Variants in EPHA6 observed in about 807,000 individuals in gnomAD.
The protein encoded by EPHA6 is ephrin type-A receptor 6.
A neutral mutation model predicts 112.0 loss-of-function variants in EPHA6; 50 were observed. The ratio of observed to expected loss-of-function variants is 0.45; its 90% CI spans 0.36 to 0.56. The LOEUF is 0.56. Among genes scored for constraint, EPHA6 ranks in the 20% least tolerant of loss-of-function variants. The pLI is 0.00. For missense variants in EPHA6, 1,280 were observed against 1,417.4 expected, an observed-to-expected ratio of 0.90 and a Z score of 1.56; for synonymous variants, 529 against 490.7, an observed-to-expected ratio of 1.08 and a Z score of -1.03.
chr3:97,668,817 G>A lies in EPHA6; in HGVS notation c.2784+30735G>A, dbSNP rs143264381. 1.0e-3 allele frequency among the ~76,000 whole-genome samples: 152 copies of A among 147,906 alleles called. 2 individuals are homozygous for A. In the East Asian group the frequency reaches 0.026, roughly 25 times the overall value. ...TAGTCCCAGCTCTCGGGAGGCTGAG[G>A]CAGGAGAGTCGCTTGAACCTGGGAG... On this transcript the variant is annotated intron_variant, in intron 14 of 17. Transcript: ENST00000389672.
rs145917707 is a variant in EPHA6, at chr3:97,180,777, G to A, written c.1115-45487G>A. Among the ~76,000 whole-genome samples the A allele has an allele frequency of 1.2e-3, 178 of 152,186 alleles. 2 individuals are homozygous for A. The East Asian group carries it at 0.03, about 25-fold the overall frequency. On this transcript the variant is annotated intron_variant, in intron 3 of 17. Transcript: ENST00000389672. ...TTCCCTCTCCTCTCCTTAAGCAGAA[G>A]GAAGGGGTCTCTTTTGGAACTGTGA...
Position 96,848,340 on chromosome 3 carries a change from C to G in EPHA6, c.386-18485C>G, listed in dbSNP as rs534248396. 9.7e-4 allele frequency among the ~76,000 whole-genome samples: 147 copies of G among 152,026 alleles called. 1 individual carries two copies. Among genetic ancestry groups the G allele is most frequent in the African/African-American group, 3.3e-3 (139 of 41,504 alleles). On this transcript the variant is annotated intron_variant, in intron 1 of 17. Transcript: ENST00000389672. ...AAAGATTTGTGAAAATTATTAGTTA[C>G]CAAATCAATTGTTATAAAAATATTT... is the stretch of plus-strand genomic sequence containing the variant.
At chr3:96,944,703 T>C (rs1455339943) in intron 2 of EPHA6, among the ~76,000 whole-genome samples, 7 of 152,258 alleles carry the variant, frequency 4.6e-5, no homozygotes, top group Non-Finnish European at 7.4e-5. Flanking sequence ...AGGTTTTTGG[T>C]AAGTAAAATG....
chr3:97,186,073 G>A (rs1270535429), intron 3 of EPHA6, among the ~76,000 whole-genome samples: 2 of 120,858 alleles, frequency 1.7e-5, no homozygotes, highest in African/African-American at 5.9e-5. Flanking sequence ...GGGGTCGGGG[G>A]AGGGGGGAGG....
At chr3:97,546,055 C>T (rs570841467) in intron 11 of EPHA6, among the ~76,000 whole-genome samples, 23 of 152,126 alleles carry the variant, frequency 1.5e-4, no homozygotes, top group African/African-American at 4.3e-4. Flanking sequence ...GAGCATTTAG[C>T]CCATTTACAT....
intron 11 of EPHA6, among the ~76,000 whole-genome samples, chr3:97,582,025 A>G (rs561341103): frequency 6.6e-6 from 1 of 151,672 alleles, no homozygotes; most frequent in Admixed American, 6.6e-5. Flanking sequence ...TTTTTATTTC[A>G]TTTTATTTTT....
intron 1 of EPHA6, among the ~76,000 whole-genome samples, chr3:96,856,553 A>G (rs971575891): frequency 6.6e-6 from 1 of 152,184 alleles, no homozygotes; most frequent in African/African-American, 2.4e-5. Context: ...GAACTATAAC[A>G]TATTTTGCAA....
At chr3:97,351,249 T>C (rs898732971) in intron 5 of EPHA6, among the ~76,000 whole-genome samples, 2 of 152,174 alleles carry the variant, frequency 1.3e-5, no homozygotes, top group Admixed American at 6.5e-5. Flanking sequence ...TATACAATGA[T>C]CTCAAATTTT....
intron 2 of EPHA6, among the ~76,000 whole-genome samples, chr3:96,966,259 G>A (rs776167162): frequency 1.3e-5 from 2 of 151,926 alleles, no homozygotes; most frequent in African/African-American, 2.4e-5. Context: ...TCATTAATAC[G>A]GATTACAGTA....
chr3:97,380,853 C>T (rs1031508228), intron 5 of EPHA6, among the ~76,000 whole-genome samples: 6 of 152,098 alleles, frequency 3.9e-5, no homozygotes, highest in African/African-American at 7.2e-5. Flanking sequence ...ATTAAAACAA[C>T]ATCTGCTTCA....
chr3:97,542,644 G>T (rs1167473286), intron 11 of EPHA6, among the ~76,000 whole-genome samples: 5 of 152,140 alleles, frequency 3.3e-5, no homozygotes, highest in Admixed American at 2.0e-4. Flanking sequence ...GGTATTTCTA[G>T]TTCTAGATCC....
At chr3:97,615,199 C>T (rs187416548) in intron 13 of EPHA6, among the ~76,000 whole-genome samples, 1 of 152,230 alleles carries the variant, frequency 6.6e-6, no homozygotes, top group Non-Finnish European at 1.5e-5. Flanking sequence ...GAATGTGTGA[C>T]CCCCGGAAAC....
At chr3:97,197,979 A>G (rs1559792227) in intron 3 of EPHA6, among the ~76,000 whole-genome samples, 1 of 152,058 alleles carries the variant, frequency 6.6e-6, no homozygotes. Flanking sequence ...GCAAAGTCCT[A>G]CAATCACCGT....
intron 2 of EPHA6, among the ~76,000 whole-genome samples, chr3:96,969,096 C>T (rs1322224816): frequency 6.6e-6 from 1 of 151,774 alleles, no homozygotes; most frequent in Non-Finnish European, 1.5e-5. Context: ...ACTCTTCTAA[C>T]TTCTACTAAT....
chr3:97,632,935 C>A (rs1003356267), intron 13 of EPHA6, among the ~76,000 whole-genome samples: 1 of 152,018 alleles, frequency 6.6e-6, no homozygotes. Flanking sequence ...TCAGGACAGC[C>A]TGGCACTCAG....
chr3:97,326,594 G>A (rs1240654527), intron 5 of EPHA6, among the ~76,000 whole-genome samples: 2 of 152,096 alleles, frequency 1.3e-5, no homozygotes, highest in East Asian at 3.9e-4. Context: ...TGGAACTTAA[G>A]GAGCTTAAAC....
chr3:97,538,282 C>T (rs2107664763), intron 11 of EPHA6, among the ~76,000 whole-genome samples: 1 of 152,240 alleles, frequency 6.6e-6, no homozygotes, highest in Admixed American at 6.5e-5. Flanking sequence ...AATTAAGACA[C>T]TTCAGTGACT....
chr3:97,636,581 A>G (rs2107552968), intron 13 of EPHA6, among the ~76,000 whole-genome samples: 1 of 152,180 alleles, frequency 6.6e-6, no homozygotes, highest in African/African-American at 2.4e-5. Context: ...CAGAGAGATA[A>G]GTTGATAGAG....
At chr3:96,939,727 C>T (rs1371997390) in intron 2 of EPHA6, among the ~76,000 whole-genome samples, 1 of 152,138 alleles carries the variant, frequency 6.6e-6, no homozygotes, top group Non-Finnish European at 1.5e-5. Flanking sequence ...TCTTGTTTCT[C>T]TTGTGGGCAT....
Sources: allele counts gnomAD v4.1 joint callset (sites outside exome capture counted in the v4.1 genomes callset), GRCh38; gene constraint gnomAD v4.1.1; transcripts MANE v1.5; gene names NCBI Gene and HGNC (gene_info 2026-07-23, HGNC 2026-07-21).